The following USP39 variants were observed in gnomAD, a reference collection of about 807,000 sequenced individuals.
USP39 encodes the protein ubiquitin carboxyl-terminal hydrolase 39.
In USP39, 38 loss-of-function variants were observed where a neutral mutation model predicts 66.4. The ratio of observed to expected loss-of-function variants is 0.57; its 90% CI spans 0.44 to 0.75. USP39 has a LOEUF of 0.75. Ranked by LOEUF, USP39 falls within the 30% of genes least tolerant of loss-of-function variation. The pLI, the probability that USP39 is intolerant of heterozygous loss-of-function variation, is 0.00. For synonymous variants in USP39, 303 were observed against 274.6 expected (o/e 1.10, Z -1.02); for missense variants, 608 against 714.4 (o/e 0.85, Z 1.70).
chr2:85,637,671 C>A (rs1411232071), intron 8 of USP39, among the ~76,000 whole-genome samples: 1 of 152,124 alleles, frequency 6.6e-6, no homozygotes, highest in East Asian at 1.9e-4. Context: ...CTAGGTGGTG[C>A]TGCTGTGTTT....
At chr2:85,611,174 C>T, upstream of USP39, 1 of 996,676 alleles carries the variant, frequency 1.0e-6, no homozygotes, top group Non-Finnish European at 1.3e-6. Context: ...CACCATTGCA[C>T]TCCAGCCTGG....
At chr2:85,611,054 C>A (rs950860709), upstream of USP39, 17 of 184,026 alleles carry the variant, frequency 9.2e-5, no homozygotes, top group Admixed American at 4.1e-4. Context: ...CCACCGCGCC[C>A]AGCCGGGGAA....
At chr2:85,640,695 A>C (rs1676167998) in intron 9 of USP39, among the ~76,000 whole-genome samples, 1 of 147,864 alleles carries the variant, frequency 6.8e-6, no homozygotes, top group Non-Finnish European at 1.5e-5. Flanking sequence ...CTGGTCTCGA[A>C]CTCCTGTGCT....
chr2:85,606,191 A>G (rs1328923217), intron 1 of USP39, among the ~76,000 whole-genome samples: 1 of 152,238 alleles, frequency 6.6e-6, no homozygotes, highest in Non-Finnish European at 1.5e-5. Flanking sequence ...TTTTAAAGAC[A>G]GCCAATTACA....
intron 1 of USP39, among the ~76,000 whole-genome samples, chr2:85,605,467 GTCT>G (rs1673181143): frequency 6.6e-6 from 1 of 152,142 alleles, no homozygotes; most frequent in Admixed American, 6.5e-5. Flanking sequence ...TACTCAGAAG[GTCT>G]TCAATTCTAG....
In USP39 at chr2:85,640,195, T is replaced by G. The variant is rs114317244; in HGVS notation, c.1285-781T>G. 2.3e-3 allele frequency among the ~76,000 whole-genome samples: 357 copies of G among 152,124 alleles called. 5 individuals are homozygous for G. Among genetic ancestry groups the G allele is most frequent in the African/African-American group, 8.4e-3 (347 of 41,518 alleles). ...ACAGTGCCCCCTCTTGTACTTCTCA[T>G]ATATCCTGTTTTCAGCTTTCTGCCT... is the stretch of plus-strand genomic sequence containing the variant. On this transcript the variant is annotated intron_variant, in intron 9 of 12. Coordinates refer to ENST00000323701, the MANE Select transcript of USP39 (RefSeq NM_006590.4).
intron 11 of USP39, among the ~76,000 whole-genome samples, chr2:85,646,437 TATC>T (rs1161192337): frequency 6.6e-6 from 1 of 152,202 alleles, no homozygotes; most frequent in Non-Finnish European, 1.5e-5. Flanking sequence ...CAGATGTCAG[TATC>T]ATCTTTTTTA....
In USP39 at chr2:85,644,953, T is replaced by C. The variant is rs1558875194; in HGVS notation, c.1433T>C (p.Val478Ala). Residue 478 changes from valine (V) to alanine (A), a missense_variant, in exon 11 of 13, where the codon GTG becomes GCG. Val to Ala is a moderately conservative substitution (Grantham distance 64). This residue lies in a region of USP39 where 164 missense variants were observed against 250.3 expected (regional missense o/e 0.66). Transcript: ENST00000323701. ...TTTATTTTAACCATTAACAGAAATG[T>C]GGATCTGAGAGAATACTTGTCTGAA... ...PTIVNFPITN[V>A]DLREYLSEEV... 1 of 1,614,034 alleles carries C rather than the reference T, an allele frequency of 6.2e-7. No homozygotes were observed. Among genetic ancestry groups the C allele is most frequent in the Non-Finnish European group, 8.5e-7 (1 of 1,179,970 alleles).
At chr2:85,646,853 C>G (rs1404472688) in intron 11 of USP39, among the ~76,000 whole-genome samples, 1 of 150,182 alleles carries the variant, frequency 6.7e-6, no homozygotes, top group East Asian at 1.9e-4. Context: ...ACAGTGTCCA[C>G]CAAGGACACC....
intron 9 of USP39, 58 bp downstream of exon 9, chr2:85,639,449 A>ATTT: frequency 1.6e-6 from 2 of 1,253,280 alleles, no homozygotes; most frequent in Non-Finnish European, 2.1e-6. Flanking sequence ...CGACTTTTTC[A>ATTT]TTTTCTTTTT....
chr2:85,605,032 G>GT (rs1481639328), intron 1 of USP39, among the ~76,000 whole-genome samples: 2 of 152,220 alleles, frequency 1.3e-5, no homozygotes, highest in East Asian at 3.8e-4. Context: ...TGTGTATCAT[G>GT]TAAGAAGTAG....
intron 6 of USP39, among the ~76,000 whole-genome samples, chr2:85,632,982 C>T (rs568333749): frequency 3.1e-4 from 47 of 152,202 alleles, no homozygotes; most frequent in African/African-American, 1.1e-3. Context: ...TAGTCAGAGA[C>T]TGCAAGTAGC....
At position 85,630,961 on chromosome 2, in the gene USP39, T is replaced by C. The variant is rs772328339; in HGVS notation, c.949+15T>C. Reference sequence around the variant, plus strand: ...CACCAAACAAGGTAAGAACAAGTCATTCATGTTTCAGGACAACAAAACTAG... The same window carrying C: ...CACCAAACAAGGTAAGAACAAGTCACTCATGTTTCAGGACAACAAAACTAG... On this transcript the variant is annotated intron_variant, in intron 6 of 12. Transcript: ENST00000323701. The C allele has an allele frequency of 1.2e-5, 20 of 1,608,512 alleles. No homozygotes were observed. Among genetic ancestry groups the C allele is most frequent in the Admixed American group, 1.7e-5 (1 of 59,284 alleles).
chr2:85,648,766 G>A lies in USP39; in HGVS notation c.1656G>A (p.Trp552Ter). Residue 552 changes from tryptophan (W) to a stop codon, truncating the protein, a stop_gained, in exon 13 of 13, where the codon TGG (tryptophan) becomes TGA (stop). Coordinates refer to ENST00000323701, the MANE Select transcript of USP39 (RefSeq NM_006590.4). LOFTEE classifies it high-confidence loss of function. The stretch of plus-strand genomic sequence containing the variant: ...TGTGTTTTCATTTCTTACAGATTTG[G>A]AAGAGGCGAGATAATGATGAAACCA... ...ITLSEAYIQI[W>*]KRRDNDETNQ... 6.2e-7 allele frequency: 1 copy of A among 1,614,070 alleles called. No homozygotes were observed. The highest frequency in any genetic ancestry group is 1.7e-5 in the Admixed American group (1 of 60,004).
chr2:85,632,694 C>T (rs1235676551), intron 6 of USP39, among the ~76,000 whole-genome samples: 1 of 152,048 alleles, frequency 6.6e-6, no homozygotes, highest in African/African-American at 2.4e-5. Flanking sequence ...GTGATCTGCT[C>T]ACCTCAGCCT....
Position 85,634,525 on chromosome 2 carries a change from A to G in USP39, c.950-1528A>G, listed in dbSNP as rs1675612724. ...GGAGGCAGAGCTTGCAGTGAGCTGA[A>G]GTTGCATCACTGCACTCCAGCCTGG... is the stretch of plus-strand genomic sequence containing the variant. On this transcript the variant is annotated intron_variant, in intron 6 of 12. Coordinates refer to ENST00000323701, the MANE Select transcript of USP39 (RefSeq NM_006590.4). Among the ~76,000 whole-genome samples the G allele has an allele frequency of 2.0e-5, 3 of 152,258 alleles. No individual in the cohort carries two copies. In the South Asian group the frequency reaches 6.2e-4, roughly 32 times the overall value.
At chr2:85,611,433 C>A, upstream of USP39, 1 of 1,523,540 alleles carries the variant, frequency 6.6e-7, no homozygotes, top group Non-Finnish European at 8.8e-7. Context: ...GGCAGATAAA[C>A]TTCTTGCTGG....
At chr2:85,633,864 G>A (rs1391426978) in intron 6 of USP39, among the ~76,000 whole-genome samples, 1 of 114,996 alleles carries the variant, frequency 8.7e-6, no homozygotes, top group Admixed American at 9.5e-5. Flanking sequence ...TTGAGACAGA[G>A]TCTCGCTCTG....
At chr2:85,603,354 A>G (rs1286583170) in intron 1 of USP39, among the ~76,000 whole-genome samples, 1 of 152,236 alleles carries the variant, frequency 6.6e-6, no homozygotes, top group African/African-American at 2.4e-5. Flanking sequence ...ACTTATTTGA[A>G]ATAAGACGGC....
Sources: allele counts gnomAD v4.1 joint callset (sites outside exome capture counted in the v4.1 genomes callset), GRCh38; gene constraint gnomAD v4.1.1; regional missense constraint gnomAD v4.1.1; transcripts MANE v1.5; gene names NCBI Gene and HGNC (gene_info 2026-07-23, HGNC 2026-07-21).